Variants in MROH9 observed in about 807,000 individuals in gnomAD.
MROH9 encodes the protein maestro heat like repeat family member 9, also known as maestro heat-like repeat-containing protein family member 9.
Under a neutral mutation model 98.2 loss-of-function variants are expected in MROH9, and 92 were observed. That is an observed-to-expected ratio of 0.94 (90% CI 0.79 to 1.11). The LOEUF is 1.11. Among genes scored for constraint, MROH9 ranks in the 50% most tolerant of loss-of-function variants. MROH9 has a pLI of 0.00. For synonymous variants in MROH9, 397 were observed against 368.9 expected (o/e 1.08, Z -0.87); for missense variants, 1,057 against 1,014.8 (o/e 1.04, Z -0.57).
At chr1:171,013,461 T>C (rs551164669) in intron 15 of MROH9, among the ~76,000 whole-genome samples, 1 of 152,216 alleles carries the variant, frequency 6.6e-6, no homozygotes, top group South Asian at 2.1e-4. Context: ...TAGAAGAGTT[T>C]TACACCCTCC....
intron 20 of MROH9, 100 bp downstream of exon 20, chr1:171,025,520 T>C: frequency 1.4e-6 from 1 of 735,118 alleles, no homozygotes; most frequent in Non-Finnish European, 2.3e-6. Context: ...TGTCTCTGTT[T>C]ATGAGGGACA....
At chr1:171,057,724 C>T (rs1238603470) in intron 20 of MROH9, among the ~76,000 whole-genome samples, 6 of 152,062 alleles carry the variant, frequency 3.9e-5, no homozygotes, top group African/African-American at 9.7e-5. Context: ...GAGAGAAAGG[C>T]CAGGTCACCT....
chr1:170,972,683 G>A (rs1293853257), intron 8 of MROH9, among the ~76,000 whole-genome samples: 5 of 151,630 alleles, frequency 3.3e-5, no homozygotes, highest in South Asian at 2.1e-4. Flanking sequence ...GTGGTGGCAG[G>A]CACCTGTAAT....
At chr1:170,990,307 T>C (rs1392274409) in intron 11 of MROH9, among the ~76,000 whole-genome samples, 1 of 152,220 alleles carries the variant, frequency 6.6e-6, no homozygotes, top group Non-Finnish European at 1.5e-5. Flanking sequence ...AAACCTCTCC[T>C]CAATGTGATA....
intron 16 of MROH9, among the ~76,000 whole-genome samples, chr1:171,015,657 G>A (rs1571504255): frequency 7.0e-6 from 1 of 141,974 alleles, no homozygotes; most frequent in Non-Finnish European, 1.5e-5. Context: ...ATGTCCAAAT[G>A]GGTCACTATC....
chr1:170,959,354 G>A (rs1439348256), intron 4 of MROH9, 108 bp from the exon 5 acceptor site: 17 of 1,052,168 alleles, frequency 1.6e-5, no homozygotes, highest in Non-Finnish European at 2.1e-5. Flanking sequence ...CAGCCTGGGT[G>A]ACAGAGCGAG....
At chr1:170,972,198 C>T (rs61815981) in intron 8 of MROH9, among the ~76,000 whole-genome samples, 17,956 of 151,962 alleles carry the variant, frequency 0.12, 1,134 homozygotes, top group South Asian at 0.15. Context: ...TTTAAAAATG[C>T]GGTATTTTTT....
chr1:170,987,376 C>A (rs1449334057), intron 10 of MROH9, among the ~76,000 whole-genome samples: 3 of 152,172 alleles, frequency 2.0e-5, no homozygotes, highest in African/African-American at 7.2e-5. Context: ...TTGCGTAGAG[C>A]TGGCTACATA....
Position 171,014,265 on chromosome 1 carries a change from G to GT in MROH9, c.1734+12dup, listed in dbSNP as rs1652257357. 5 of 1,543,662 alleles carry GT rather than the reference G, an allele frequency of 3.2e-6. No individual in the cohort carries two copies. The highest frequency in any genetic ancestry group is 4.4e-6 in the Non-Finnish European group (5 of 1,142,494). On this transcript the variant is annotated intron_variant, in intron 16 of 21. Coordinates refer to ENST00000367759, the MANE Select transcript of MROH9 (RefSeq NM_001163629.2). The stretch of plus-strand genomic sequence containing the variant: ...CCAATTATCAATAAGGTATGTGTAT[G>GT]TGATTTGTGTCTGCAAGCATCATCT...
At chr1:171,011,002 A>T (rs886304984) in intron 15 of MROH9, among the ~76,000 whole-genome samples, 5 of 152,132 alleles carry the variant, frequency 3.3e-5, no homozygotes, top group Admixed American at 6.5e-5. Flanking sequence ...GGTGTTTTAG[A>T]CATGAAGTTT....
intron 15 of MROH9, among the ~76,000 whole-genome samples, chr1:171,004,317 C>A (rs1177045245): frequency 6.6e-6 from 1 of 152,168 alleles, no homozygotes; most frequent in Admixed American, 6.5e-5. Flanking sequence ...AATTCCTTCT[C>A]CCTGCATAGT....
intron 5 of MROH9, among the ~76,000 whole-genome samples, chr1:170,960,641 G>C (rs901436549): frequency 2.0e-5 from 3 of 152,012 alleles, no homozygotes; most frequent in African/African-American, 7.2e-5. Flanking sequence ...TGTTTTGTTT[G>C]AGACAGGGTC....
At chr1:170,982,425 G>A (rs1326068803) in intron 8 of MROH9, among the ~76,000 whole-genome samples, 5 of 152,110 alleles carry the variant, frequency 3.3e-5, no homozygotes, top group Non-Finnish European at 5.9e-5. Flanking sequence ...GACAAGAAGT[G>A]GATAAGTGGT....
intron 6 of MROH9, among the ~76,000 whole-genome samples, chr1:170,962,482 A>G (rs905548628): frequency 2.6e-5 from 4 of 152,214 alleles, no homozygotes; most frequent in Admixed American, 6.5e-5. Flanking sequence ...TAATGTCCCA[A>G]CCAGAGACAG....
At chr1:170,978,913 C>T (rs953875160) in intron 8 of MROH9, among the ~76,000 whole-genome samples, 3 of 152,122 alleles carry the variant, frequency 2.0e-5, no homozygotes, top group Non-Finnish European at 2.9e-5. Context: ...GAGGGCAACT[C>T]GCCCTCCCAG....
In MROH9 at chr1:171,014,338, A is replaced by G. The variant is rs577917975; in HGVS notation, c.1734+84A>G. 1.7e-5 allele frequency: 22 copies of G among 1,295,206 alleles called. No homozygotes were observed. In the African/African-American group the frequency reaches 3.1e-4, roughly 18 times the overall value. The allele number at this position is 1,295,206 out of a possible 1,614,324, so 80.2% of individuals were successfully genotyped here. Reference sequence around the variant, plus strand: ...TGTCACTTAACATCTTCACTGACAAAGCGGTGATATTTTTCAGTCTCTATA... The same window carrying G: ...TGTCACTTAACATCTTCACTGACAAGGCGGTGATATTTTTCAGTCTCTATA... On this transcript the variant is annotated intron_variant, in intron 16 of 21. Transcript: ENST00000367759.
chr1:171,013,635 A>G (rs1459305201), intron 15 of MROH9, among the ~76,000 whole-genome samples: 1 of 152,152 alleles, frequency 6.6e-6, no homozygotes, highest in Admixed American at 6.5e-5. Flanking sequence ...AATAGTACAT[A>G]GTATAGTATC....
Position 170,996,663 on chromosome 1 carries a change from G to T in MROH9, c.1475+19G>T, listed in dbSNP as rs1267176317. 1.9e-6 allele frequency: 3 copies of T among 1,612,198 alleles called. No individual in the cohort carries two copies. The highest frequency in any genetic ancestry group is 2.5e-6 in the Non-Finnish European group (3 of 1,178,956). On this transcript the variant is annotated intron_variant, in intron 14 of 21. Transcript: ENST00000367759. ...TTGCTAAGTAAGAACAGGGGTCTCT[G>T]TGTAGGATTCTTGGTCTCTATCCTA...
intron 15 of MROH9, among the ~76,000 whole-genome samples, chr1:171,006,631 T>C (rs1027662695): frequency 2.0e-5 from 3 of 151,924 alleles, no homozygotes; most frequent in Admixed American, 2.0e-4. Flanking sequence ...TAGTGTCCCT[T>C]ACATCCCTGT....
Sources: gnomAD v4.1 joint callset for allele counts (sites outside exome capture counted in the v4.1 genomes callset) on GRCh38, gnomAD v4.1.1 for gene constraint, MANE v1.5 for transcripts, NCBI Gene and HGNC (gene_info 2026-07-23, HGNC 2026-07-21) for gene names.